The following KIAA0825 variants were observed in gnomAD, a reference collection of about 807,000 sequenced individuals.
The protein encoded by KIAA0825 is KIAA0825, also known as uncharacterized protein KIAA0825.
KIAA0825 carries 119 observed loss-of-function variants against 147.6 expected under a neutral mutation model. That is an observed-to-expected ratio of 0.81 (90% CI 0.69 to 0.94). The LOEUF is 0.94. KIAA0825 is among the 40% of genes least tolerant of loss of function. KIAA0825 has a pLI of 0.00. For missense variants in KIAA0825, 1,381 were observed against 1,472.7 expected, an observed-to-expected ratio of 0.94 and a Z score of 1.02; for synonymous variants, 470 against 518.1, an observed-to-expected ratio of 0.91 and a Z score of 1.26.
At chr5:94,462,174 CAT>C (rs1759918340) in intron 12 of KIAA0825, among the ~76,000 whole-genome samples, 1 of 151,808 alleles carries the variant, frequency 6.6e-6, no homozygotes, top group South Asian at 2.1e-4. Context: ...CCAATAGAAA[CAT>C]AACACATTTT....
chr5:94,204,973 G>T (rs1772024034), intron 20 of KIAA0825, among the ~76,000 whole-genome samples: 1 of 152,032 alleles, frequency 6.6e-6, no homozygotes, highest in Non-Finnish European at 1.5e-5. Context: ...GAGAAAAATT[G>T]TTGGGAATTC....
At chr5:94,543,591 C>T (rs185153787) in intron 2 of KIAA0825, among the ~76,000 whole-genome samples, 76 of 152,302 alleles carry the variant, frequency 5.0e-4, no homozygotes, top group African/African-American at 1.8e-3. Context: ...CTACCCTGAA[C>T]ACAGGAGACC....
At chr5:94,196,863 C>T (rs1771180557) in intron 20 of KIAA0825, among the ~76,000 whole-genome samples, 1 of 152,034 alleles carries the variant, frequency 6.6e-6, no homozygotes, top group Non-Finnish European at 1.5e-5. Flanking sequence ...TTACTCAATC[C>T]ATTGTTGATG....
chr5:94,256,958 T>C (rs578254979), intron 20 of KIAA0825, among the ~76,000 whole-genome samples: 3 of 152,142 alleles, frequency 2.0e-5, no homozygotes, highest in Non-Finnish European at 4.4e-5. Context: ...CCTACCTACC[T>C]ACCTATCTCG....
rs556407286 is a variant in KIAA0825 at position 94,466,799 on chromosome 5, A to C, written c.1873-1740T>G. Among the ~76,000 whole-genome samples, 11 of 151,996 alleles carry C rather than the reference A, an allele frequency of 7.2e-5. No individual in the cohort carries two copies. In the South Asian group the frequency reaches 2.3e-3, roughly 32 times the overall value. On this transcript the variant is annotated intron_variant, in intron 10 of 20. Coordinates refer to ENST00000682413, the MANE Select transcript of KIAA0825 (RefSeq NM_001145678.3). ...TACAAAATTAATGATGAAGCAGCAA[A>C]ATTATAGTTTCTTATGCTTTCTTTG...
intron 2 of KIAA0825, chr5:94,569,503 G>C: frequency 2.4e-6 from 1 of 410,634 alleles, no homozygotes; most frequent in Non-Finnish European, 4.5e-6. Context: ...CCAATGATAT[G>C]AAAAACCATC....
chr5:94,564,946 CCTTTT>C (rs111877748), intron 2 of KIAA0825, among the ~76,000 whole-genome samples: 7,195 of 134,062 alleles, frequency 0.054, 220 homozygotes, highest in African/African-American at 0.073. Flanking sequence ...TCCCTCCCTC[CCTTTT>C]CTTTTCTTTT....
intron 20 of KIAA0825, among the ~76,000 whole-genome samples, chr5:94,228,397 A>G (rs1583915011): frequency 1.3e-5 from 2 of 152,268 alleles, no homozygotes; most frequent in Admixed American, 1.3e-4. Flanking sequence ...TCAATTTTAG[A>G]TATTGATTAT....
chr5:94,167,445 A>G (rs2149937755), intron 20 of KIAA0825, among the ~76,000 whole-genome samples: 1 of 152,248 alleles, frequency 6.6e-6, no homozygotes, highest in African/African-American at 2.4e-5. Context: ...GGGGTTTTAT[A>G]AGGGAGTTAC....
chr5:94,327,731 G>C (rs1780840519), intron 20 of KIAA0825, among the ~76,000 whole-genome samples: 1 of 152,056 alleles, frequency 6.6e-6, no homozygotes, highest in Non-Finnish European at 1.5e-5. Context: ...TTTTTGGCTG[G>C]GTGCGGTGGC....
At chr5:94,552,161 A>AATAG (rs1460308969) in intron 2 of KIAA0825, among the ~76,000 whole-genome samples, 3 of 152,164 alleles carry the variant, frequency 2.0e-5, no homozygotes, top group Non-Finnish European at 2.9e-5. Flanking sequence ...AAAAACTCTA[A>AATAG]AAAGAGAAAA....
chr5:94,364,995 G>A (rs535873984), intron 20 of KIAA0825, among the ~76,000 whole-genome samples: 7 of 152,182 alleles, frequency 4.6e-5, no homozygotes, highest in East Asian at 3.9e-4. Flanking sequence ...GCCAAACTAC[G>A]TGTACAGTAA....
chr5:94,175,684 A>T (rs868402467), intron 20 of KIAA0825, among the ~76,000 whole-genome samples: 1 of 152,202 alleles, frequency 6.6e-6, no homozygotes, highest in African/African-American at 2.4e-5. Context: ...TTTCCAAAAG[A>T]AGTTCATTAA....
intron 13 of KIAA0825, among the ~76,000 whole-genome samples, chr5:94,451,740 CT>C (rs1425846816): frequency 2.6e-5 from 4 of 152,084 alleles, no homozygotes; most frequent in African/African-American, 9.7e-5. Flanking sequence ...AGAGTTATGC[CT>C]AAAAGAGAAT....
chr5:94,164,118 G>C (rs1583712788), intron 20 of KIAA0825, among the ~76,000 whole-genome samples: 1 of 152,092 alleles, frequency 6.6e-6, no homozygotes, highest in East Asian at 1.9e-4. Context: ...AGCCTGCTGG[G>C]TTTAAAACAT....
chr5:94,410,972 A>G (rs1389108777), intron 15 of KIAA0825, among the ~76,000 whole-genome samples: 1 of 152,128 alleles, frequency 6.6e-6, no homozygotes, highest in Non-Finnish European at 1.5e-5. Flanking sequence ...TCCCATTTTT[A>G]ATTTCTTTAA....
chr5:94,262,714 G>A (rs1017770508), intron 20 of KIAA0825, among the ~76,000 whole-genome samples: 5 of 152,072 alleles, frequency 3.3e-5, no homozygotes, highest in South Asian at 2.1e-4. Flanking sequence ...GTGTAAAAAC[G>A]TATATGTTTG....
chr5:94,589,841 TAA>T (rs55935861), intron 1 of KIAA0825, among the ~76,000 whole-genome samples: 8 of 141,844 alleles, frequency 5.6e-5, no homozygotes, highest in Admixed American at 7.1e-5. Flanking sequence ...TGTCTCACTT[TAA>T]AAAAAAAAAA....
intron 12 of KIAA0825, among the ~76,000 whole-genome samples, chr5:94,454,386 A>C (rs1758818384): frequency 6.6e-6 from 1 of 152,144 alleles, no homozygotes; most frequent in Non-Finnish European, 1.5e-5. Context: ...GCTTTTTCAA[A>C]TCTGACCCTT....
Sources: gnomAD v4.1 joint callset for allele counts (sites outside exome capture counted in the v4.1 genomes callset) on GRCh38, gnomAD v4.1.1 for gene constraint, MANE v1.5 for transcripts, NCBI Gene and HGNC (gene_info 2026-07-23, HGNC 2026-07-21) for gene names.